Variants in GLG1 observed in about 807,000 individuals in gnomAD.
GLG1 encodes golgi glycoprotein 1.
Under a neutral mutation model 160.5 loss-of-function variants are expected in GLG1, and 38 were observed. The observed-to-expected ratio is 0.24, with a 90% CI of 0.18 to 0.31. GLG1 has a LOEUF of 0.31. Among genes scored for constraint, GLG1 ranks in the 10% least tolerant of loss-of-function variants. The pLI, the probability that GLG1 is intolerant of heterozygous loss-of-function variation, is 1.00. For synonymous variants in GLG1, 644 were observed against 543.4 expected (o/e 1.19, Z -2.57); for missense variants, 1,373 against 1,505.2 (o/e 0.91, Z 1.45).
chr16:74,503,066 G>T (rs2016468117), intron 4 of GLG1, among the ~76,000 whole-genome samples: 1 of 151,866 alleles, frequency 6.6e-6, no homozygotes. Flanking sequence ...AATTAGCCAG[G>T]CGTGGTGGTG....
chr16:74,534,896 T>C (rs937947838), intron 1 of GLG1, among the ~76,000 whole-genome samples: 4 of 152,334 alleles, frequency 2.6e-5, no homozygotes, highest in Middle Eastern at 6.8e-3. Flanking sequence ...ATACTGTTAA[T>C]GTAACATAAT....
intron 2 of GLG1, among the ~76,000 whole-genome samples, chr16:74,526,944 G>T (rs1410218130): frequency 2.6e-5 from 4 of 152,114 alleles, no homozygotes; most frequent in African/African-American, 9.7e-5. Context: ...GAACAATAAT[G>T]TCTCAGGGCA....
intron 1 of GLG1, among the ~76,000 whole-genome samples, chr16:74,539,600 C>A (rs571070401): frequency 5.1e-4 from 77 of 151,548 alleles, no homozygotes; most frequent in Non-Finnish European, 8.4e-4. Context: ...TTAGCTTTGT[C>A]AAGTACTAAT....
intron 9 of GLG1, among the ~76,000 whole-genome samples, chr16:74,484,493 T>G (rs1038719953): frequency 1.3e-5 from 2 of 151,608 alleles, no homozygotes; most frequent in Non-Finnish European, 2.9e-5. Context: ...CCGGGCGTGG[T>G]GGCTCACACC....
chr16:74,499,068 A>G (rs552524938), intron 4 of GLG1, among the ~76,000 whole-genome samples: 2 of 152,202 alleles, frequency 1.3e-5, no homozygotes, highest in Admixed American at 6.5e-5. Flanking sequence ...CACAGCTCTG[A>G]TATCTACTGC....
intron 4 of GLG1, among the ~76,000 whole-genome samples, chr16:74,501,623 C>A (rs886570378): frequency 2.0e-5 from 3 of 152,170 alleles, no homozygotes; most frequent in Non-Finnish European, 4.4e-5. Context: ...CACAGAGGGA[C>A]TGAAACGCTT....
At chr16:74,509,388 T>C (rs1567492141) in intron 2 of GLG1, among the ~76,000 whole-genome samples, 1 of 152,034 alleles carries the variant, frequency 6.6e-6, no homozygotes, top group Non-Finnish European at 1.5e-5. Context: ...ATAAATAGGT[T>C]ATATGAGCTA....
intron 3 of GLG1, among the ~76,000 whole-genome samples, chr16:74,505,501 C>T (rs2016563769): frequency 6.6e-6 from 1 of 152,134 alleles, no homozygotes; most frequent in South Asian, 2.1e-4. Flanking sequence ...GGGTGGATCA[C>T]TTGAAGTTAG....
chr16:74,471,058 G>A, intron 15 of GLG1, 115 bp downstream of exon 15: 1 of 722,548 alleles, frequency 1.4e-6, no homozygotes, highest in Non-Finnish European at 2.5e-6. Context: ...CGCCTGGCTG[G>A]AAAAAAATGA....
At chr16:74,535,121 T>C (rs2017651804) in intron 1 of GLG1, among the ~76,000 whole-genome samples, 1 of 152,020 alleles carries the variant, frequency 6.6e-6, no homozygotes, top group African/African-American at 2.4e-5. Context: ...GAATAACCCA[T>C]GGGAAAGAAA....
At chr16:74,569,068 C>T (rs1207575554) in intron 1 of GLG1, among the ~76,000 whole-genome samples, 2 of 152,166 alleles carry the variant, frequency 1.3e-5, no homozygotes, top group African/African-American at 4.8e-5. Context: ...AAGCCCAAGG[C>T]CTGCCCAAGG....
Position 74,471,243 on chromosome 16 carries a change from C to T in GLG1, c.2159G>A (p.Cys720Tyr). 6.2e-7 allele frequency: 1 copy of T among 1,612,168 alleles called. No individual in the cohort carries two copies. Among genetic ancestry groups the T allele is most frequent in the Non-Finnish European group, 8.5e-7 (1 of 1,178,226 alleles). The change falls in exon 15 of 26, where the codon TGT (cysteine) becomes TAT (tyrosine). Residue 720 changes from cysteine to tyrosine, a missense_variant. Transcript: ENST00000422840. ...CTTCTGGTGTTTGTTCTGTATCAGA[C>T]ACTCCATCAGGTCCCCAGAGTCTAT... ...NQIDSGDLMECLIQNKHQKDM... is the reference protein window; with the variant it reads ...NQIDSGDLMEYLIQNKHQKDM...
chr16:74,595,714 GAC>G (rs1484209104), intron 1 of GLG1, among the ~76,000 whole-genome samples: 1 of 152,188 alleles, frequency 6.6e-6, no homozygotes, highest in Non-Finnish European at 1.5e-5. Context: ...AAGTATGTGA[GAC>G]ACATACATAA....
intron 24 of GLG1, 22 bp downstream of exon 24, chr16:74,457,852 A>G (rs1236813017): frequency 6.2e-7 from 1 of 1,612,336 alleles, no homozygotes; most frequent in Admixed American, 1.7e-5. Context: ...AGACAGGATC[A>G]AGAGTGAACA....
intron 17 of GLG1, 21 bp downstream of exon 17, chr16:74,468,925 G>C: frequency 1.4e-6 from 2 of 1,441,280 alleles, no homozygotes; most frequent in Non-Finnish European, 2.0e-6. Flanking sequence ...GTTTCTGGGA[G>C]CAGAGGCTGG....
intron 1 of GLG1, among the ~76,000 whole-genome samples, chr16:74,534,230 C>T (rs1049572042): frequency 2.0e-5 from 3 of 151,870 alleles, no homozygotes; most frequent in African/African-American, 4.8e-5. Flanking sequence ...AATCAGCCTC[C>T]ATGCTGAGTC....
chr16:74,532,160 G>A lies in GLG1; in HGVS notation c.439-7C>T, dbSNP rs199928841. 5,912 of 1,282,818 alleles carry A rather than the reference G, an allele frequency of 4.6e-3. 11 individuals carry two copies. The highest frequency in any genetic ancestry group is 5.2e-3 in the Non-Finnish European group (5,083 of 976,862). The allele number at this position is 1,282,818 out of a possible 1,614,324, so 79.5% of individuals were successfully genotyped here. ...AAGAAATTTCATTTTCAGGCTAGAA[G>A]AGAAAAAAAAGAAGAGATGATGTAA... On this transcript the variant is annotated splice_polypyrimidine_tract_variant and splice_region_variant and intron_variant, in intron 1 of 25. Coordinates refer to ENST00000422840, the MANE Select transcript of GLG1 (RefSeq NM_001145667.2).
chr16:74,462,676 T>C (rs764532382), intron 20 of GLG1, 46 bp from the exon 21 acceptor site: 2 of 1,593,052 alleles, frequency 1.3e-6, no homozygotes, highest in Non-Finnish European at 1.7e-6. Context: ...TCCACCTGAT[T>C]CACACATTTT....
At chr16:74,586,204 A>C (rs1597373847) in intron 1 of GLG1, among the ~76,000 whole-genome samples, 1 of 152,162 alleles carries the variant, frequency 6.6e-6, no homozygotes, top group East Asian at 1.9e-4. Flanking sequence ...AAACGAATGG[A>C]ACCACAAGAT....
Sources: gnomAD v4.1 joint callset for allele counts (sites outside exome capture counted in the v4.1 genomes callset) on GRCh38, gnomAD v4.1.1 for gene constraint, MANE v1.5 for transcripts, NCBI Gene and HGNC (gene_info 2026-07-23, HGNC 2026-07-21) for gene names.